MYH6: variants seen among roughly 807,000 people sequenced by gnomAD.
MYH6 encodes the protein myosin-6.
Under a neutral mutation model 223.2 loss-of-function variants are expected in MYH6, and 126 were observed. The ratio of observed to expected loss-of-function variants is 0.56; its 90% CI spans 0.49 to 0.65. The LOEUF (loss-of-function observed/expected upper bound fraction) is 0.65, where lower values mean the gene tolerates loss of function less well. Among genes scored for constraint, MYH6 ranks in the 30% least tolerant of loss-of-function variants. The probability of loss-of-function intolerance (pLI) is 0.00; values close to 1 mark genes in which losing one functional copy is unlikely to be tolerated. For synonymous variants in MYH6, 978 were observed against 1,010.2 expected (o/e 0.97, Z 0.61); for missense variants, 2,040 against 2,536.4 (o/e 0.80, Z 4.20).
In MYH6 at chr14:23,407,700, C is replaced by T; in HGVS notation, c.-46-92G>A. 1.0e-6 allele frequency: 1 copy of T among 966,652 alleles called. No homozygotes were observed. The highest frequency in any genetic ancestry group is 1.3e-6 in the Non-Finnish European group (1 of 793,098). 59.9% of individuals were successfully genotyped at this position (966,652 alleles called of 1,614,324 possible). A position where few individuals can be genotyped will look rare whatever the true frequency, so the allele number is the denominator to read the frequency against. ...AGTGAAGAACAACAGAGGCAGGCCA[C>T]CCGGGGATGGAGGCAGCCCCAGAGC... On this transcript the variant is annotated intron_variant, in intron 1 of 38. Coordinates refer to ENST00000405093, the MANE Select transcript of MYH6 (RefSeq NM_002471.4). The surrounding 1 kb of genome is among the most constrained non-coding windows in gnomAD (Gnocchi z 5.6).
Position 23,398,713 on chromosome 14 carries a change from G to T in MYH6, c.1891+15C>A. 6.2e-7 allele frequency: 1 copy of T among 1,613,992 alleles called. No homozygotes were observed. The highest frequency in any genetic ancestry group is 8.5e-7 in the Non-Finnish European group (1 of 1,179,882). ...TCAGAAGTCCCCTGGCCCAGTGCAG[G>T]GGCTGCCTGCTTACCAGTATCGGCA... On this transcript the variant is annotated intron_variant, in intron 15 of 38. Transcript: ENST00000405093.
In MYH6 at chr14:23,385,002, C is replaced by T. The variant is rs756380209; in HGVS notation, c.5203G>A (p.Asp1735Asn). The change falls in exon 35 of 39, where the codon GAT becomes AAT. Residue 1735 changes from aspartate (D) to asparagine (N), a missense_variant. Asp to Asn is a conservative substitution (Grantham distance 23). Around this residue, in one of 4 missense-constraint regions of MYH6, gnomAD observed 1,203 missense variants for 1,400.2 expected, o/e 0.86. Coordinates refer to ENST00000405093, the MANE Select transcript of MYH6 (RefSeq NM_002471.4). ...LINQKKKMES[D>N]LTQLQSEVEE... ...ACTTCCGACTGGAGCTGGGTCAGAT[C>T]CGACTCCATCTTCTTCTTCTGGTTG... 1.2e-6 allele frequency: 2 copies of T among 1,614,242 alleles called. No individual in the cohort carries two copies. Among genetic ancestry groups the T allele is most frequent in the Non-Finnish European group, 1.7e-6 (2 of 1,180,050 alleles).
Position 23,393,327 on chromosome 14 carries a change from G to A in MYH6, c.3105+15C>T. 6.2e-7 allele frequency: 1 copy of A among 1,614,116 alleles called. No individual in the cohort carries two copies. The highest frequency in any genetic ancestry group is 1.3e-5 in the African/African-American group (1 of 75,054). On this transcript the variant is annotated intron_variant, in intron 23 of 38. Coordinates refer to ENST00000405093, the MANE Select transcript of MYH6 (RefSeq NM_002471.4). The stretch of plus-strand genomic sequence containing the variant: ...ATCTTGCTCTGAGAGCAGGAGCATG[G>A]TTCTTACTACTCACATCATCCACCT...
chr14:23,405,704 T>C lies in MYH6; in HGVS notation c.268A>G (p.Met90Val), dbSNP rs778199745. 7.4e-6 allele frequency: 12 copies of C among 1,614,056 alleles called. No homozygotes were observed. In the African/African-American group the frequency reaches 1.5e-4, roughly 20 times the overall value. The change falls in exon 4 of 39, where the codon ATG becomes GTG. Residue 90 changes from methionine (M) to valine (V), a missense_variant. Transcript: ENST00000405093. The surrounding 1 kb of genome is among the most constrained non-coding windows in gnomAD (Gnocchi z 4.7). ...NPPKFDKIED[M>V]AMLTFLHEPA... ...TCGTGCAGGAAGGTCAGCATGGCCA[T>C]GTCCTCAATCTTGTCGAACTTGGGT... is the stretch of plus-strand genomic sequence containing the variant.
chr14:23,388,475 A>C, intron 29 of MYH6, 137 bp from the exon 30 acceptor site: 1 of 1,390,484 alleles, frequency 7.2e-7, no homozygotes, highest in Non-Finnish European at 1.0e-6. Context: ...GAGCCTGCTC[A>C]TGCCTGGAAC....
intron 25 of MYH6, among the ~76,000 whole-genome samples, chr14:23,391,823 G>A (rs1277306256): frequency 6.6e-6 from 1 of 152,186 alleles, no homozygotes; most frequent in East Asian, 1.9e-4. Flanking sequence ...TAAAGCTAAG[G>A]GAGACTATGG....
intron 11 of MYH6, 26 bp downstream of exon 11, chr14:23,402,671 A>C (rs781713579): frequency 1.1e-5 from 17 of 1,613,284 alleles, no homozygotes; most frequent in Non-Finnish European, 1.4e-5. Flanking sequence ...GGTCCCTCGA[A>C]CGGCCGCAGC....
In MYH6 at chr14:23,392,653, C is replaced by T; in HGVS notation, c.3252-1G>A. Reference sequence around the variant, plus strand: ...CTGCTGATTAATGTCAAACTCCTTCCTGCAGGAGAAGGGTGGGGGTGGGGG... The same window carrying T: ...CTGCTGATTAATGTCAAACTCCTTCTTGCAGGAGAAGGGTGGGGGTGGGGG... On this transcript the variant is annotated splice_acceptor_variant, in intron 24 of 38. Transcript: ENST00000405093. LOFTEE classifies it high-confidence loss of function. 1 of 1,324,072 alleles carries T rather than the reference C, an allele frequency of 7.6e-7. No homozygotes were observed. The highest frequency in any genetic ancestry group is 1.2e-5 in the South Asian group (1 of 84,830). The allele number at this position is 1,324,072 out of a possible 1,614,324, so 82.0% of individuals were successfully genotyped here. A position where few individuals can be genotyped will look rare whatever the true frequency, so the allele number is the denominator to read the frequency against.
chr14:23,393,125 C>T (rs1891288126), intron 23 of MYH6, 68 bp from the exon 24 acceptor site: 14 of 1,601,324 alleles, frequency 8.7e-6, no homozygotes, highest in Admixed American at 3.4e-5. Flanking sequence ...TCTTTTGCCT[C>T]CTTCTAAACT....
chr14:23,383,154 T>G, intron 37 of MYH6, 71 bp downstream of exon 37: 2 of 1,326,622 alleles, frequency 1.5e-6, no homozygotes, highest in Non-Finnish European at 2.2e-6. Context: ...GGCCCCTCTG[T>G]AGGAGATATT....
At position 23,397,932 on chromosome 14, in the gene MYH6, C is replaced by CTCT. The variant is rs55907025; in HGVS notation, c.1892-322_1892-320dup. ...AGTTCTCCTCCTCCTCCTCCTCCTC[C>CTCT]TCTTCTTCTTCTTCTTCTTCTTCTT... On this transcript the variant is annotated intron_variant, in intron 15 of 38. Transcript: ENST00000405093. Among the ~76,000 whole-genome samples, 644 of 89,998 alleles carry CTCT rather than the reference C, an allele frequency of 7.2e-3. 21 individuals carry two copies. The highest frequency in any genetic ancestry group is 8.5e-3 in the Non-Finnish European group (370 of 43,732). The allele number at this position is 89,998 out of a possible 152,430, so 59.0% of individuals were successfully genotyped here.
Position 23,396,812 on chromosome 14 carries a change from C to T in MYH6, c.2174G>A (p.Arg725His), listed in dbSNP as rs781467923. 1.8e-5 allele frequency: 29 copies of T among 1,613,848 alleles called. No individual in the cohort carries two copies. The highest frequency in any genetic ancestry group is 6.7e-5 in the African/African-American group (5 of 74,900). ...AGGGATGGCCACTGGGTTCAGGATG[C>T]GATACCTGAGGAGGGAAGTGTCCAG... ...ILYGDFRQRY[R>H]ILNPVAIPEG... The change falls in exon 19 of 39, where the codon CGC becomes CAC. Residue 725 changes from arginine to histidine, a missense_variant. Coordinates refer to ENST00000405093, the MANE Select transcript of MYH6 (RefSeq NM_002471.4).
rs745747137 is a variant in MYH6 at position 23,386,020 on chromosome 14, G to A, written c.5071C>T (p.Arg1691Cys). ...NLLQAELEEL[R>C]AVVEQTERSR... ...CGCTCTGTCTGCTCCACCACGGCAC[G>A]CAGCTCCTCCAGCTCAGCCTGCAGC... The change falls in exon 34 of 39, where the codon CGT becomes TGT. Residue 1691 changes from arginine to cysteine, a missense_variant. Arg to Cys is a radical substitution (Grantham distance 180). Around this residue, in one of 4 missense-constraint regions of MYH6, gnomAD observed 1,203 missense variants for 1,400.2 expected, o/e 0.86. Coordinates refer to ENST00000405093, the MANE Select transcript of MYH6 (RefSeq NM_002471.4). 51 of 1,614,042 alleles carry A rather than the reference G, an allele frequency of 3.2e-5. No homozygotes were observed. The East Asian group carries it at 1.1e-3, about 34-fold the overall frequency.
chr14:23,404,264 T>G, intron 8 of MYH6, 32 bp downstream of exon 8: 1 of 1,611,470 alleles, frequency 6.2e-7, no homozygotes, highest in Non-Finnish European at 8.5e-7. Flanking sequence ...CAAGGCTGGA[T>G]GAGGCCACTG....
chr14:23,392,805 C>T (rs1891273703), intron 24 of MYH6, 107 bp downstream of exon 24: 2 of 1,544,228 alleles, frequency 1.3e-6, no homozygotes, highest in Admixed American at 1.7e-5. Context: ...TGACCTTATT[C>T]CCAGCATACC....
Position 23,405,888 on chromosome 14 carries a change from G to T in MYH6, c.202-118C>A. On this transcript the variant is annotated intron_variant, in intron 3 of 38. Coordinates refer to ENST00000405093, the MANE Select transcript of MYH6 (RefSeq NM_002471.4). This position sits in a 1 kb window ranked among gnomAD's most constrained non-coding sequence, Gnocchi z 4.7. ...GACTTGGCCTTGCTCCCCTTGCTCT[G>T]ACCAGTGCCCCGGCCCCTACCCCGA... 7.5e-7 allele frequency: 1 copy of T among 1,325,178 alleles called. No homozygotes were observed. Among genetic ancestry groups the T allele is most frequent in the Non-Finnish European group, 1.1e-6 (1 of 926,344 alleles). The allele number at this position is 1,325,178 out of a possible 1,614,324, so 82.1% of individuals were successfully genotyped here.
chr14:23,394,435 C>T, intron 20 of MYH6, 112 bp from the exon 21 acceptor site: 7 of 1,344,422 alleles, frequency 5.2e-6, no homozygotes, highest in South Asian at 2.7e-5. Flanking sequence ...TGCACACCCA[C>T]CTCCAACATC....
At chr14:23,393,171 G>C in intron 23 of MYH6, 114 bp from the exon 24 acceptor site, 3 of 1,513,542 alleles carry the variant, frequency 2.0e-6, no homozygotes, top group Non-Finnish European at 2.7e-6. Flanking sequence ...AACCAACAGA[G>C]AAATCCTGCA....
chr14:23,384,739 C>G, intron 35 of MYH6, 22 bp from the exon 36 acceptor site: 1 of 1,614,232 alleles, frequency 6.2e-7, no homozygotes, highest in Non-Finnish European at 8.5e-7. Flanking sequence ...AGAGAGGTGG[C>G]AAGGAACATG....
Sources: gnomAD v4.1 joint callset for allele counts (sites outside exome capture counted in the v4.1 genomes callset) on GRCh38, gnomAD v4.1.1 for gene constraint, gnomAD v4.1.1 regional missense constraint, Gnocchi (gnomAD v3.1) non-coding constraint, MANE v1.5 for transcripts, NCBI Gene and HGNC (gene_info 2026-07-23, HGNC 2026-07-21) for gene names.